Variants in SMNDC1 observed in about 807,000 individuals in gnomAD.
The protein encoded by SMNDC1 is survival of motor neuron-related-splicing factor 30.
A neutral mutation model predicts 29.2 loss-of-function variants in SMNDC1; 5 were observed. The ratio of observed to expected loss-of-function variants is 0.17; its 90% CI spans 0.09 to 0.36. SMNDC1 has a LOEUF of 0.36. Ranked by LOEUF, SMNDC1 falls within the 10% of genes least tolerant of loss-of-function variation. SMNDC1 has a pLI of 1.00. For missense variants in SMNDC1, 142 were observed against 268.5 expected (o/e 0.53, Z 3.29); for synonymous variants, 80 against 89.9 (o/e 0.89, Z 0.62).
At position 110,303,888 on chromosome 10, in the gene SMNDC1, G is replaced by C. The variant is rs1221606275; in HGVS notation, c.1-301C>G. On this transcript the variant is annotated intron_variant, in intron 1 of 5. Transcript: ENST00000369603. The stretch of plus-strand genomic sequence containing the variant: ...TATCCACAGGGTAGGTGCTGAATTC[G>C]GCTCAATAATCAGTGTTATCTTTTT... 1.4e-4 allele frequency: 39 copies of C among 274,700 alleles called. 1 individual carries two copies. The South Asian group carries it at 2.5e-3, about 18-fold the overall frequency. 17.0% of individuals were successfully genotyped at this position (274,700 alleles called of 1,614,324 possible). A position where few individuals can be genotyped will look rare whatever the true frequency, so the allele number is the denominator to read the frequency against.
At position 110,292,221 on chromosome 10, in the gene SMNDC1, G is replaced by A. The variant is rs1857506975; in HGVS notation, c.*1929C>T. ...ATCCTGACACTAGGATTTTCCAAAG[G>A]GCCACATCTAGATCTTTGACACAAA... On this transcript the variant is annotated 3_prime_UTR_variant, in exon 6 of 6. Transcript: ENST00000369603. The A allele has an allele frequency of 6.6e-6, 1 of 152,012 alleles. No homozygotes were observed. The highest frequency in any genetic ancestry group is 2.4e-5 in the African/African-American group (1 of 41,386). The allele number at this position is 152,012 out of a possible 1,614,324, so 9.4% of individuals were successfully genotyped here.
rs1857492753 is a variant in SMNDC1, at chr10:110,290,971, G to C, written c.*3179C>G. The C allele has an allele frequency of 6.6e-6, 1 of 151,898 alleles. No individual in the cohort carries two copies. Among genetic ancestry groups the C allele is most frequent in the East Asian group, 1.9e-4 (1 of 5,202 alleles). 9.4% of individuals were successfully genotyped at this position (151,898 alleles called of 1,614,324 possible). A position where few individuals can be genotyped will look rare whatever the true frequency, so the allele number is the denominator to read the frequency against. On this transcript the variant is annotated 3_prime_UTR_variant, in exon 6 of 6. Transcript: ENST00000369603. ...GATGGTCTCCTTTGCTATTTTTAAGGCAGACATTTGGCATTAGAATTGCAT... is the reference window on the plus strand; with the variant it reads ...GATGGTCTCCTTTGCTATTTTTAAGCCAGACATTTGGCATTAGAATTGCAT...
chr10:110,297,434 C>CT, intron 4 of SMNDC1, 133 bp downstream of exon 4: 3 of 785,674 alleles, frequency 3.8e-6, no homozygotes, highest in Non-Finnish European at 6.1e-6. Context: ...AATGTTGACC[C>CT]TTTGTTGCTA....
At chr10:110,295,653 G>C (rs1322587305) in intron 4 of SMNDC1, among the ~76,000 whole-genome samples, 1 of 68,510 alleles carries the variant, frequency 1.5e-5, no homozygotes, top group Non-Finnish European at 3.7e-5. Context: ...TTTTTTTTTT[G>C]GCGACAAAGT....
chr10:110,299,943 G>T (rs1857620126), intron 2 of SMNDC1, among the ~76,000 whole-genome samples: 2 of 152,068 alleles, frequency 1.3e-5, no homozygotes, highest in African/African-American at 4.8e-5. Context: ...AATTTAGTAG[G>T]AATAATATCT....
intron 1 of SMNDC1, 146 bp from the exon 2 acceptor site, chr10:110,303,733 T>C: frequency 3.0e-6 from 2 of 675,748 alleles, no homozygotes; most frequent in Non-Finnish European, 4.7e-6. Context: ...TTACCTTTAC[T>C]CTCAGTTTAG....
Position 110,298,868 on chromosome 10 carries a change from T to C in SMNDC1, c.121-78A>G, listed in dbSNP as rs775294987. ...ACTTAGTTTCTGATGACAGCCTTCA[T>C]ACTGTACGTTAAGTACTCTACATAT... On this transcript the variant is annotated intron_variant, in intron 2 of 5. Coordinates refer to ENST00000369603, the MANE Select transcript of SMNDC1 (RefSeq NM_005871.4). 1.3e-4 allele frequency: 146 copies of C among 1,085,216 alleles called. 1 individual carries two copies. In the South Asian group the frequency reaches 1.9e-3, roughly 14 times the overall value. The allele number at this position is 1,085,216 out of a possible 1,614,324, so 67.2% of individuals were successfully genotyped here.
chr10:110,300,339 T>G (rs1180430275), intron 2 of SMNDC1, among the ~76,000 whole-genome samples: 1 of 152,222 alleles, frequency 6.6e-6, no homozygotes, highest in Non-Finnish European at 1.5e-5. Flanking sequence ...TGCATATTAG[T>G]GAATTCAGAG....
intron 1 of SMNDC1, 139 bp from the exon 2 acceptor site, chr10:110,303,726 C>T: frequency 2.9e-6 from 2 of 697,260 alleles, no homozygotes; most frequent in South Asian, 4.2e-5. Flanking sequence ...ACCACCATTA[C>T]CTTTACTCTC....
rs1304276210 is a variant in SMNDC1, at chr10:110,291,878, C to G, written c.*2272G>C. On this transcript the variant is annotated 3_prime_UTR_variant, in exon 6 of 6. Coordinates refer to ENST00000369603, the MANE Select transcript of SMNDC1 (RefSeq NM_005871.4). ...CCTTGAAATGGTAACAACAGTCAAA[C>G]GTCAAGCTTTGGTAAGTTACATGCA... 6 of 152,094 alleles carry G rather than the reference C, an allele frequency of 3.9e-5. No individual in the cohort carries two copies. The highest frequency in any genetic ancestry group is 7.4e-5 in the Non-Finnish European group (5 of 68,016). The allele number at this position is 152,094 out of a possible 1,614,324, so 9.4% of individuals were successfully genotyped here. A position where few individuals can be genotyped will look rare whatever the true frequency, so the allele number is the denominator to read the frequency against.
At position 110,294,294 on chromosome 10, in the gene SMNDC1, G is replaced by T. The variant is rs779477554; in HGVS notation, c.580-7C>A. The stretch of plus-strand genomic sequence containing the variant: ...CAAAAATACTCCTCTTTACCTAAGG[G>T]AAAGAAAACAGAAATCATTCCTGAT... On this transcript the variant is annotated splice_region_variant and splice_polypyrimidine_tract_variant and intron_variant, in intron 5 of 5. Transcript: ENST00000369603. The T allele has an allele frequency of 6.4e-7, 1 of 1,564,248 alleles. No individual in the cohort carries two copies.
At chr10:110,302,020 C>T (rs1857658026) in intron 2 of SMNDC1, among the ~76,000 whole-genome samples, 1 of 152,200 alleles carries the variant, frequency 6.6e-6, no homozygotes, top group South Asian at 2.1e-4. Flanking sequence ...GCCCAAGAAG[C>T]AATATACAAA....
intron 4 of SMNDC1, among the ~76,000 whole-genome samples, chr10:110,296,167 T>C (rs1857559803): frequency 6.6e-6 from 1 of 152,180 alleles, no homozygotes; most frequent in Admixed American, 6.5e-5. Flanking sequence ...TAGCTAATAA[T>C]TCTCACCAAA....
At chr10:110,303,340 G>A (rs2134505597) in intron 2 of SMNDC1, 128 bp downstream of exon 2, 1 of 710,902 alleles carries the variant, frequency 1.4e-6, no homozygotes, top group Admixed American at 3.1e-5. Flanking sequence ...TACAAGCAAT[G>A]GTACCTACAG....
intron 5 of SMNDC1, among the ~76,000 whole-genome samples, 162 bp from the exon 6 acceptor site, chr10:110,294,449 T>C (rs1276813778): frequency 6.6e-6 from 1 of 152,248 alleles, no homozygotes. Flanking sequence ...AGTGGTCCCA[T>C]GCTGGAAGCC....
rs1213973292 is a variant in SMNDC1, at chr10:110,297,634, A to G, written c.358T>C (p.Leu120=). The G allele has an allele frequency of 6.2e-7, 1 of 1,614,042 alleles. No individual in the cohort carries two copies. Among genetic ancestry groups the G allele is most frequent in the Admixed American group, 1.7e-5 (1 of 59,992 alleles). The change falls in exon 4 of 6, where the codon TTG becomes CTG. Residue 120 remains leucine, a synonymous_variant. Transcript: ENST00000369603. ...CCTTCTTCTACAGGCTTGAGGTTCA[A>G]CAGTGGAGTCACTTCAGCATTGCCA... The part of the protein sequence containing the change: ...GYGNAEVTPL[L]NLKPVEEGRK...
At chr10:110,302,497 T>C (rs1473178541) in intron 2 of SMNDC1, among the ~76,000 whole-genome samples, 1 of 152,212 alleles carries the variant, frequency 6.6e-6, no homozygotes, top group Non-Finnish European at 1.5e-5. Flanking sequence ...CCGGACCCTA[T>C]TTCCGTTAAG....
chr10:110,301,327 A>AGTCTCAATAGAGACAACAATTACTGG (rs1230612958), intron 2 of SMNDC1, among the ~76,000 whole-genome samples: 1 of 152,146 alleles, frequency 6.6e-6, no homozygotes, highest in Non-Finnish European at 1.5e-5. Context: ...ACAATTACTG[A>AGTCTCAATAGAGACAACAATTACTGG]GTGGAAGCTT....
intron 5 of SMNDC1, among the ~76,000 whole-genome samples, 180 bp from the exon 6 acceptor site, chr10:110,294,467 G>A (rs10884945): frequency 5.9e-5 from 9 of 152,050 alleles, no homozygotes; most frequent in African/African-American, 1.9e-4. Flanking sequence ...GCCATTTACT[G>A]TAACTTCTAA....
Sources: allele counts gnomAD v4.1 joint callset (sites outside exome capture counted in the v4.1 genomes callset), GRCh38; gene constraint gnomAD v4.1.1; transcripts MANE v1.5; gene names NCBI Gene and HGNC (gene_info 2026-07-23, HGNC 2026-07-21).